Variants in SLC14A2 observed in about 807,000 individuals in gnomAD.
The protein encoded by SLC14A2 is solute carrier family 14 member 2.
Under a neutral mutation model 104.6 loss-of-function variants are expected in SLC14A2, and 91 were observed. The ratio of observed to expected loss-of-function variants is 0.87; its 90% CI spans 0.73 to 1.04. The LOEUF (loss-of-function observed/expected upper bound fraction) is 1.04, where lower values mean the gene tolerates loss of function less well. Among genes scored for constraint, SLC14A2 ranks in the 50% least tolerant of loss-of-function variants. The pLI, the probability that SLC14A2 is intolerant of heterozygous loss-of-function variation, is 0.00. For synonymous variants in SLC14A2, 476 were observed against 466.4 expected, an observed-to-expected ratio of 1.02 and a Z score of -0.27; for missense variants, 1,189 against 1,156.0, an observed-to-expected ratio of 1.03 and a Z score of -0.41.
At chr18:45,636,065 A>G (rs553340731) in intron 5 of SLC14A2, among the ~76,000 whole-genome samples, 3 of 152,352 alleles carry the variant, frequency 2.0e-5, no homozygotes, top group African/African-American at 7.2e-5. Flanking sequence ...AGGGAAGCAG[A>G]CAGTAAAGAT....
At chr18:45,636,611 T>C (rs1293440942) in intron 5 of SLC14A2, among the ~76,000 whole-genome samples, 1 of 152,264 alleles carries the variant, frequency 6.6e-6, no homozygotes, top group African/African-American at 2.4e-5. Context: ...ATAGTCATTG[T>C]ACACCTTGGT....
At chr18:45,375,418 C>G (rs2085763271) in intron 1 of SLC14A2, among the ~76,000 whole-genome samples, 2 of 152,080 alleles carry the variant, frequency 1.3e-5, no homozygotes, top group Admixed American at 6.5e-5. Context: ...CTTGTGGCCT[C>G]CACCCAGGAA....
chr18:45,419,700 G>A (rs1478205928), intron 1 of SLC14A2, among the ~76,000 whole-genome samples: 1 of 151,366 alleles, frequency 6.6e-6, no homozygotes, highest in Non-Finnish European at 1.5e-5. Flanking sequence ...CTTGATCCCA[G>A]GAGGCAGAGG....
chr18:45,385,993 G>T (rs1004986275), intron 1 of SLC14A2, among the ~76,000 whole-genome samples: 16 of 152,210 alleles, frequency 1.1e-4, no homozygotes, highest in African/African-American at 3.9e-4. Context: ...CACAATGACT[G>T]CCCACAGGAG....
chr18:45,535,343 G>A (rs139585458), intron 2 of SLC14A2, among the ~76,000 whole-genome samples: 20 of 152,314 alleles, frequency 1.3e-4, no homozygotes, highest in East Asian at 1.9e-4. Flanking sequence ...TGTTGGAAGC[G>A]TAATTGGTTT....
chr18:45,602,978 CA>C (rs2044814258), intron 2 of SLC14A2, among the ~76,000 whole-genome samples: 1 of 152,152 alleles, frequency 6.6e-6, no homozygotes, highest in African/African-American at 2.4e-5. Context: ...AATAACCCAT[CA>C]ATTTAGTTAG....
intron 1 of SLC14A2, among the ~76,000 whole-genome samples, chr18:45,481,953 C>A (rs1326041068): frequency 6.6e-6 from 1 of 152,078 alleles, no homozygotes; most frequent in Non-Finnish European, 1.5e-5. Flanking sequence ...TTGTTTGGGG[C>A]TTTTCTTGTT....
chr18:45,168,704 T>C, the SLC14A2 span: 2 of 152,208 alleles, frequency 1.3e-5, no homozygotes, highest in Non-Finnish European at 2.9e-5. Context: ...GAGAAATCTT[T>C]CTCTTTTGAT....
intron 1 of SLC14A2, among the ~76,000 whole-genome samples, chr18:45,342,594 C>A (rs1466984029): frequency 6.6e-6 from 1 of 152,110 alleles, no homozygotes; most frequent in Non-Finnish European, 1.5e-5. Flanking sequence ...TCAGAGCAAC[C>A]AGATGAATGC....
At chr18:45,209,560 T>TA (rs11455345), upstream of SLC14A2, among the ~76,000 whole-genome samples, 4 of 151,886 alleles carry the variant, frequency 2.6e-5, no homozygotes, top group Non-Finnish European at 5.9e-5. Flanking sequence ...TTTTTTTTTT[T>TA]AACAAGTAAA....
In SLC14A2 at chr18:45,559,987, G is replaced by T. The variant is rs2705376; in HGVS notation, c.-34-64644G>T. Among the ~76,000 whole-genome samples, 411 of 152,260 alleles carry T rather than the reference G, an allele frequency of 2.7e-3. 6 individuals are homozygous for T. The highest frequency in any genetic ancestry group is 9.6e-3 in the African/African-American group (398 of 41,558). ...CAAGGTCATGGAGCAGAGGCTTCCT[G>T]GGTGTGGCCCAAGTCCCTATTAAAT... On this transcript the variant is annotated intron_variant, in intron 2 of 20. Coordinates refer to the SLC14A2 transcript ENST00000586448.
At position 45,239,916 on chromosome 18, in the gene SLC14A2, C is replaced by T. The variant is rs187396093; in HGVS notation, c.-125+26725C>T. On this transcript the variant is annotated intron_variant, in intron 1 of 20. Coordinates refer to the SLC14A2 transcript ENST00000586448. Reference sequence around the variant, plus strand: ...TTATTTTACTTACCATCATGTCCTCCAGGCACATCAATGTCACAAATGACA... The same window carrying T: ...TTATTTTACTTACCATCATGTCCTCTAGGCACATCAATGTCACAAATGACA... Among the ~76,000 whole-genome samples, 24 of 152,194 alleles carry T rather than the reference C, an allele frequency of 1.6e-4. No homozygotes were observed. The East Asian group carries it at 4.5e-3, about 28-fold the overall frequency.
At chr18:45,632,870 G>C (rs567205878) in intron 5 of SLC14A2, among the ~76,000 whole-genome samples, 1 of 152,126 alleles carries the variant, frequency 6.6e-6, no homozygotes, top group Non-Finnish European at 1.5e-5. Context: ...GTAGAGACAG[G>C]GTTTCACTGT....
intron 2 of SLC14A2, among the ~76,000 whole-genome samples, chr18:45,600,659 C>A (rs572283329): frequency 4.4e-4 from 67 of 152,244 alleles, no homozygotes; most frequent in African/African-American, 1.6e-3. Flanking sequence ...AGAGGCTGGG[C>A]AGGTCCTTGG....
intron 1 of SLC14A2, among the ~76,000 whole-genome samples, chr18:45,245,528 C>T (rs1441566675): frequency 6.6e-6 from 1 of 152,168 alleles, no homozygotes; most frequent in East Asian, 1.9e-4. Context: ...AACCTGTTGG[C>T]CATTTGGGAA....
rs778609202 is a variant in SLC14A2, at chr18:45,669,334, A to G, written c.2065A>G (p.Ile689Val). 2 of 1,613,862 alleles carry G rather than the reference A, an allele frequency of 1.2e-6. No individual in the cohort carries two copies. Among genetic ancestry groups the G allele is most frequent in the African/African-American group, 1.3e-5 (1 of 75,040 alleles). ...CATCCTCTCCAGTGCCCTGGGTACC[A>G]TCTTCAGCAAGTGGGACCTCCCAGT... ...CPILSSALGT[I>V]FSKWDLPVFT... is the part of the protein sequence containing the mutation. The change falls in exon 16 of 20, where the codon ATC becomes GTC. Residue 689 changes from isoleucine to valine, a missense_variant. By Grantham distance (29) the Ile-to-Val change is conservative (BLOSUM62 3). Coordinates refer to ENST00000255226, the MANE Select transcript of SLC14A2 (RefSeq NM_007163.4).
intron 1 of SLC14A2, among the ~76,000 whole-genome samples, chr18:45,374,460 T>C (rs1175781064): frequency 6.6e-6 from 1 of 152,198 alleles, no homozygotes; most frequent in Non-Finnish European, 1.5e-5. Context: ...GACAAGCTGC[T>C]GTCTTCCTGG....
At chr18:45,446,845 A>C (rs1361554184) in intron 1 of SLC14A2, among the ~76,000 whole-genome samples, 1 of 152,134 alleles carries the variant, frequency 6.6e-6, no homozygotes, top group Non-Finnish European at 1.5e-5. Context: ...CAGAATAGGA[A>C]ATGGGAAGAG....
intron 1 of SLC14A2, among the ~76,000 whole-genome samples, chr18:45,227,068 GT>G (rs1381984868): frequency 2.0e-5 from 3 of 152,086 alleles, no homozygotes; most frequent in Non-Finnish European, 4.4e-5. Flanking sequence ...GAAAAAGTTG[GT>G]GCCAGCACTA....
Sources: allele counts gnomAD v4.1 joint callset (sites outside exome capture counted in the v4.1 genomes callset), GRCh38; gene constraint gnomAD v4.1.1; transcripts MANE v1.5; gene names NCBI Gene and HGNC (gene_info 2026-07-23, HGNC 2026-07-21).